ARHGEF10L: variants seen among roughly 807,000 people sequenced by gnomAD.
ARHGEF10L encodes rho guanine nucleotide exchange factor 10-like protein.
Under a neutral mutation model 141.2 loss-of-function variants are expected in ARHGEF10L, and 69 were observed. That is an observed-to-expected ratio of 0.49 (90% CI 0.40 to 0.60). The LOEUF is 0.60. Among genes scored for constraint, ARHGEF10L ranks in the 20% least tolerant of loss-of-function variants. The pLI is 0.00. For synonymous variants in ARHGEF10L, 711 were observed against 718.5 expected (o/e 0.99, Z 0.17); for missense variants, 1,482 against 1,734.3 (o/e 0.85, Z 2.58).
In ARHGEF10L at chr1:17,696,994, G is replaced by T. The variant is rs1342858318; in HGVS notation, c.3454G>T (p.Ala1152Ser). The T allele has an allele frequency of 1.9e-6, 3 of 1,609,982 alleles. No individual in the cohort carries two copies. The South Asian group carries it at 3.3e-5, about 18-fold the overall frequency. ...RAEEDKPDGQ[A>S]HEPMPDSHVG... ...TGAGGAGGACAAGCCAGACGGGCAG[G>T]CACACGAGCCCATGCCCGATAGCCA... Residue 1152 changes from alanine to serine, a missense_variant, in exon 29 of 29, where the codon GCA becomes TCA. By Grantham distance (99) the Ala-to-Ser change is moderately conservative (BLOSUM62 1). Transcript: ENST00000361221.
chr1:17,640,781 G>C (rs2061285665), intron 21 of ARHGEF10L, among the ~76,000 whole-genome samples: 1 of 152,184 alleles, frequency 6.6e-6, no homozygotes, highest in African/African-American at 2.4e-5. Flanking sequence ...AAATGATGCA[G>C]GTTGGACTAT....
chr1:17,541,190 G>C (rs2076715208), intron 1 of ARHGEF10L, among the ~76,000 whole-genome samples: 1 of 152,172 alleles, frequency 6.6e-6, no homozygotes, highest in Non-Finnish European at 1.5e-5. Context: ...TCTGTGGGCT[G>C]TTCTCTCTAT....
chr1:17,670,425 G>T (rs566212903), intron 26 of ARHGEF10L, among the ~76,000 whole-genome samples: 25 of 152,360 alleles, frequency 1.6e-4, no homozygotes, highest in African/African-American at 5.3e-4. Flanking sequence ...GATCTAGATC[G>T]CACCGCCTTC....
At chr1:17,562,619 G>T (rs1189568419) in intron 1 of ARHGEF10L, among the ~76,000 whole-genome samples, 2 of 152,256 alleles carry the variant, frequency 1.3e-5, no homozygotes, top group East Asian at 3.8e-4. Context: ...TTGTCACTTT[G>T]ATTTCATACT....
chr1:17,516,290 G>A, the ARHGEF10L span, among the ~76,000 whole-genome samples: 2 of 152,230 alleles, frequency 1.3e-5, no homozygotes, highest in African/African-American at 2.4e-5. Flanking sequence ...CTCTGAACTC[G>A]TGGTTCCTTC....
chr1:17,609,642 C>G (rs996676486), intron 7 of ARHGEF10L, among the ~76,000 whole-genome samples: 4 of 152,152 alleles, frequency 2.6e-5, no homozygotes, highest in Admixed American at 6.5e-5. Flanking sequence ...GACAAAAATG[C>G]CTTTACGTAA....
chr1:17,614,628 T>C (rs76101582), intron 8 of ARHGEF10L, among the ~76,000 whole-genome samples: 5,633 of 150,980 alleles, frequency 0.037, 375 homozygotes, highest in African/African-American at 0.13. Flanking sequence ...AAGAAGAAGA[T>C]GAGCGTCTAT....
At chr1:17,696,002 G>A (rs1335395856) in intron 28 of ARHGEF10L, among the ~76,000 whole-genome samples, 1 of 152,006 alleles carries the variant, frequency 6.6e-6, no homozygotes, top group East Asian at 1.9e-4. Flanking sequence ...TTTGAGACCA[G>A]CCTGGGCAAC....
chr1:17,585,186 GA>G (rs1557747269), intron 2 of ARHGEF10L, among the ~76,000 whole-genome samples: 1 of 152,150 alleles, frequency 6.6e-6, no homozygotes, highest in African/African-American at 2.4e-5. Context: ...AACTGCGTCC[GA>G]AAACCACAGA....
chr1:17,622,344 A>G (rs897578071), intron 11 of ARHGEF10L, among the ~76,000 whole-genome samples: 2 of 152,070 alleles, frequency 1.3e-5, no homozygotes, highest in Non-Finnish European at 2.9e-5. Context: ...GAGGAGTAGG[A>G]TCGAGTCCTC....
chr1:17,613,001 C>T, intron 7 of ARHGEF10L, 57 bp from the exon 8 acceptor site: 2 of 1,206,026 alleles, frequency 1.7e-6, no homozygotes, highest in Admixed American at 1.7e-5. Flanking sequence ...TGTCTCCTTC[C>T]TGTCCCGCCT....
chr1:17,645,619 T>A (rs1199406384), intron 21 of ARHGEF10L, among the ~76,000 whole-genome samples: 1 of 152,176 alleles, frequency 6.6e-6, no homozygotes, highest in Non-Finnish European at 1.5e-5. Flanking sequence ...AGCTCTCAAA[T>A]CTGGCCTATC....
chr1:17,588,878 G>GTGTGTC (rs1553181471), intron 4 of ARHGEF10L, among the ~76,000 whole-genome samples: 1 of 82,346 alleles, frequency 1.2e-5, no homozygotes, highest in Non-Finnish European at 2.4e-5. Flanking sequence ...GTGTGTGTGT[G>GTGTGTC]TGTGTGTGTG....
At chr1:17,636,648 G>A (rs1241855843) in intron 18 of ARHGEF10L, among the ~76,000 whole-genome samples, 1 of 152,080 alleles carries the variant, frequency 6.6e-6, no homozygotes, top group Non-Finnish European at 1.5e-5. Flanking sequence ...TGAGCACATT[G>A]TCCACATCCC....
At chr1:17,595,041 TA>T (rs1433386866) in intron 4 of ARHGEF10L, among the ~76,000 whole-genome samples, 1 of 151,798 alleles carries the variant, frequency 6.6e-6, no homozygotes, top group African/African-American at 2.4e-5. Flanking sequence ...TCTTCCTTTT[TA>T]AAAAAAATAC....
intron 1 of ARHGEF10L, among the ~76,000 whole-genome samples, chr1:17,549,537 C>T (rs2077037827): frequency 6.6e-6 from 1 of 151,998 alleles, no homozygotes; most frequent in Admixed American, 6.6e-5. Flanking sequence ...GACATTTAAG[C>T]CAGACCTGAA....
At chr1:17,538,640 T>G (rs1275193906), upstream of ARHGEF10L, among the ~76,000 whole-genome samples, 1 of 151,884 alleles carries the variant, frequency 6.6e-6, no homozygotes, top group Non-Finnish European at 1.5e-5. Flanking sequence ...TCTGTCTGGT[T>G]CTTTGTCTCA....
Position 17,623,138 on chromosome 1 carries a change from A to T in ARHGEF10L, c.1163A>T (p.Asp388Val). 6.2e-7 allele frequency: 1 copy of T among 1,613,546 alleles called. No homozygotes were observed. The highest frequency in any genetic ancestry group is 8.5e-7 in the Non-Finnish European group (1 of 1,179,800). ...IALSSRVAEW[D>V]STEKIGDLFV... Reference sequence around the variant, plus strand: ...CTGTCCTCCCGCGTGGCTGAGTGGGATTCCACCGAGAAGATCGGGGACCTC... The same window carrying T: ...CTGTCCTCCCGCGTGGCTGAGTGGGTTTCCACCGAGAAGATCGGGGACCTC... Residue 388 changes from aspartate to valine, a missense_variant, in exon 12 of 29, where the codon GAT becomes GTT. Transcript: ENST00000361221. This position sits in a 1 kb window ranked among gnomAD's most constrained non-coding sequence, Gnocchi z 4.7.
At chr1:17,574,777 G>A (rs2078152205) in intron 1 of ARHGEF10L, among the ~76,000 whole-genome samples, 2 of 152,242 alleles carry the variant, frequency 1.3e-5, no homozygotes, top group Admixed American at 6.5e-5. Flanking sequence ...AGAGCTGTGG[G>A]CATCTTGCTG....
Sources: gnomAD v4.1 joint callset for allele counts (sites outside exome capture counted in the v4.1 genomes callset) on GRCh38, gnomAD v4.1.1 for gene constraint, Gnocchi (gnomAD v3.1) non-coding constraint, MANE v1.5 for transcripts, NCBI Gene and HGNC (gene_info 2026-07-23, HGNC 2026-07-21) for gene names.